AKAP19: variants seen among roughly 807,000 people sequenced by gnomAD.
AKAP19 encodes the protein small A-kinase anchoring protein.
chr2:190,105,960 A>G, the AKAP19 span, among the ~76,000 whole-genome samples: 2 of 152,270 alleles, frequency 1.3e-5, no homozygotes, highest in Admixed American at 6.5e-5. Context: ...AAGTGCATGA[A>G]AAATGAATGA....
chr2:189,890,495 A>G, the AKAP19 span, among the ~76,000 whole-genome samples: 2 of 152,076 alleles, frequency 1.3e-5, no homozygotes, highest in Non-Finnish European at 2.9e-5. Flanking sequence ...TGTCTTGTTG[A>G]TCTATCTAAT....
At chr2:190,146,622 T>C in the AKAP19 span, among the ~76,000 whole-genome samples, 1 of 152,234 alleles carries the variant, frequency 6.6e-6, no homozygotes, top group Non-Finnish European at 1.5e-5. Context: ...CCATCAGCAA[T>C]GTAGAATTGT....
At chr2:190,020,157 C>G in the AKAP19 span, among the ~76,000 whole-genome samples, 11,652 of 152,206 alleles carry the variant, frequency 0.077, 638 homozygotes, top group Non-Finnish European at 0.12. Flanking sequence ...TTAATAGGCT[C>G]TCTTAAATGT....
At chr2:189,981,614 A>T in the AKAP19 span, among the ~76,000 whole-genome samples, 1 of 152,180 alleles carries the variant, frequency 6.6e-6, no homozygotes, top group Non-Finnish European at 1.5e-5. Context: ...TTTTGCACTT[A>T]TGTGTGCTTT....
At chr2:190,039,295 T>C in the AKAP19 span, among the ~76,000 whole-genome samples, 1 of 152,082 alleles carries the variant, frequency 6.6e-6, no homozygotes, top group African/African-American at 2.4e-5. Context: ...GCCAGGTCGG[T>C]CTCAAACTCC....
the AKAP19 span, among the ~76,000 whole-genome samples, chr2:189,925,869 T>C: frequency 6.6e-6 from 1 of 152,260 alleles, no homozygotes; most frequent in African/African-American, 2.4e-5. Context: ...AAAGACCATT[T>C]CATGAAGGAA....
At chr2:190,199,684 C>T in the AKAP19 span, 1 of 1,411,092 alleles carries the variant, frequency 7.1e-7, no homozygotes, top group Non-Finnish European at 9.2e-7. Context: ...TGAAACCTAC[C>T]TTCTCTTGAC....
At chr2:190,195,399 C>T in the AKAP19 span, among the ~76,000 whole-genome samples, 24 of 152,096 alleles carry the variant, frequency 1.6e-4, no homozygotes, top group Non-Finnish European at 2.4e-4. Flanking sequence ...AACTGCCAGA[C>T]TGTCCTCCCA....
At chr2:190,104,119 T>G in the AKAP19 span, among the ~76,000 whole-genome samples, 1 of 152,176 alleles carries the variant, frequency 6.6e-6, no homozygotes, top group Non-Finnish European at 1.5e-5. Flanking sequence ...GATGCTAGGA[T>G]AGCTGGCTAG....
the AKAP19 span, among the ~76,000 whole-genome samples, chr2:190,069,034 T>C: frequency 6.6e-6 from 1 of 152,082 alleles, no homozygotes; most frequent in Non-Finnish European, 1.5e-5. Flanking sequence ...TTAAGGTGAC[T>C]AGATCCCTTC....
chr2:190,111,999 G>T, the AKAP19 span, among the ~76,000 whole-genome samples: 1 of 152,142 alleles, frequency 6.6e-6, no homozygotes, highest in South Asian at 2.1e-4. Flanking sequence ...CTGGGTTCAC[G>T]CCATTCTCCT....
At chr2:190,039,386 A>G in the AKAP19 span, among the ~76,000 whole-genome samples, 13 of 152,038 alleles carry the variant, frequency 8.6e-5, no homozygotes, top group African/African-American at 2.9e-4. Flanking sequence ...GCCTCATTCT[A>G]TCTTCCACAT....
chr2:190,174,571 G>A, the AKAP19 span, among the ~76,000 whole-genome samples: 1 of 152,234 alleles, frequency 6.6e-6, no homozygotes, highest in African/African-American at 2.4e-5. Flanking sequence ...GCTAAACTAT[G>A]TTGATCAAAT....
the AKAP19 span, among the ~76,000 whole-genome samples, chr2:190,119,344 T>C: frequency 6.6e-6 from 1 of 152,222 alleles, no homozygotes; most frequent in Non-Finnish European, 1.5e-5. Context: ...AGGCGATGGC[T>C]GGAGGAGGCG....
At chr2:190,140,685 A>AT in the AKAP19 span, among the ~76,000 whole-genome samples, 1 of 151,540 alleles carries the variant, frequency 6.6e-6, no homozygotes, top group Non-Finnish European at 1.5e-5. Context: ...CCATGAAACC[A>AT]TTTTTTCCTC....
the AKAP19 span, among the ~76,000 whole-genome samples, chr2:189,926,585 CTTTTT>C: frequency 2.8e-5 from 2 of 72,404 alleles, no homozygotes; most frequent in Admixed American, 1.8e-4. Flanking sequence ...CGCGCCCGGC[CTTTTT>C]TTTTTTTTTT....
chr2:190,005,710 G>T, the AKAP19 span, among the ~76,000 whole-genome samples: 1 of 152,182 alleles, frequency 6.6e-6, no homozygotes, highest in African/African-American at 2.4e-5. Context: ...ATGACCATGG[G>T]GTTGGGAGTG....
At chr2:190,038,953 TTCTTCTTCTTCTTCTTCTTTC>T in the AKAP19 span, among the ~76,000 whole-genome samples, 7 of 147,026 alleles carry the variant, frequency 4.8e-5, no homozygotes, top group African/African-American at 1.6e-4. Context: ...CTTCTTCTTC[TTCTTCTTCTTCTTCTTCTTTC>T]TTCTTCTTCT....
the AKAP19 span, among the ~76,000 whole-genome samples, chr2:190,069,039 C>T: frequency 6.6e-6 from 1 of 151,950 alleles, no homozygotes; most frequent in Non-Finnish European, 1.5e-5. Flanking sequence ...GTGACTAGAT[C>T]CCTTCCCCAA....
Sources: gnomAD v4.1 joint callset for allele counts (sites outside exome capture counted in the v4.1 genomes callset) on GRCh38, gnomAD v4.1.1 for gene constraint, MANE v1.5 for transcripts, NCBI Gene and HGNC (gene_info 2026-07-23, HGNC 2026-07-21) for gene names.